Variants in PTPRM observed in about 807,000 individuals in gnomAD.
The protein encoded by PTPRM is protein tyrosine phosphatase receptor type M, also known as receptor-type tyrosine-protein phosphatase mu.
Under a neutral mutation model 186.7 loss-of-function variants are expected in PTPRM, and 47 were observed. The observed-to-expected ratio is 0.25, with a 90% CI of 0.20 to 0.32. The LOEUF is 0.32. Among genes scored for constraint, PTPRM ranks in the 10% least tolerant of loss-of-function variants. The pLI is 1.00. For synonymous variants in PTPRM, 668 were observed against 674.9 expected, an observed-to-expected ratio of 0.99 and a Z score of 0.16; for missense variants, 1,494 against 1,865.0, an observed-to-expected ratio of 0.80 and a Z score of 3.66.
chr18:8,207,089 C>G (rs927859321), intron 14 of PTPRM, among the ~76,000 whole-genome samples: 2 of 152,178 alleles, frequency 1.3e-5, no homozygotes, highest in African/African-American at 4.8e-5. Context: ...ATAAATTTCT[C>G]TGGTTCTGAT....
At chr18:7,866,483 G>A (rs1460781288) in intron 2 of PTPRM, among the ~76,000 whole-genome samples, 12 of 152,172 alleles carry the variant, frequency 7.9e-5, no homozygotes, top group African/African-American at 1.4e-4. Flanking sequence ...CAGTTTACAC[G>A]TAGTTTTGTG....
intron 1 of PTPRM, among the ~76,000 whole-genome samples, chr18:7,572,069 G>A (rs191492323): frequency 1.3e-5 from 2 of 152,276 alleles, no homozygotes; most frequent in Admixed American, 1.3e-4. Context: ...CAGTGAGCAT[G>A]AAAGAAATAT....
intron 5 of PTPRM, among the ~76,000 whole-genome samples, chr18:7,945,565 T>G (rs980753474): frequency 6.6e-5 from 10 of 152,150 alleles, no homozygotes; most frequent in East Asian, 5.8e-4. Flanking sequence ...CTGAAAGAAA[T>G]AAATTTCTTC....
intron 2 of PTPRM, among the ~76,000 whole-genome samples, chr18:7,831,729 A>G (rs2045771159): frequency 6.6e-6 from 1 of 152,080 alleles, no homozygotes; most frequent in South Asian, 2.1e-4. Flanking sequence ...TTTTTTTGGT[A>G]TCCATTAACC....
At chr18:8,253,712 A>C (rs1221030908) in intron 19 of PTPRM, among the ~76,000 whole-genome samples, 2 of 152,170 alleles carry the variant, frequency 1.3e-5, no homozygotes, top group Non-Finnish European at 2.9e-5. Flanking sequence ...CATTTGATTG[A>C]ATCTGCGGGT....
chr18:7,806,589 A>G (rs2044247548), intron 2 of PTPRM, among the ~76,000 whole-genome samples: 1 of 152,236 alleles, frequency 6.6e-6, no homozygotes. Flanking sequence ...TCTTGGAAAG[A>G]TGGAGCCACA....
At chr18:8,133,182 A>G (rs1213909998) in intron 13 of PTPRM, among the ~76,000 whole-genome samples, 1 of 152,166 alleles carries the variant, frequency 6.6e-6, no homozygotes, top group African/African-American at 2.4e-5. Context: ...TCATCTCTTA[A>G]GGACTCCACC....
chr18:7,686,362 T>G (rs1033967272), intron 1 of PTPRM, among the ~76,000 whole-genome samples: 1 of 152,222 alleles, frequency 6.6e-6, no homozygotes, highest in Non-Finnish European at 1.5e-5. Flanking sequence ...AAAAATGCAT[T>G]GAGTGGTAAT....
intron 2 of PTPRM, among the ~76,000 whole-genome samples, chr18:7,833,968 T>C (rs1361215351): frequency 6.6e-6 from 1 of 152,186 alleles, no homozygotes; most frequent in Non-Finnish European, 1.5e-5. Flanking sequence ...TCTTGCCTGA[T>C]TGTTCTAGCT....
chr18:8,223,479 A>G (rs2094177958), intron 14 of PTPRM, among the ~76,000 whole-genome samples: 1 of 152,226 alleles, frequency 6.6e-6, no homozygotes, highest in South Asian at 2.1e-4. Context: ...TTAAAGGACT[A>G]AGAATTATTT....
At chr18:8,317,414 C>T (rs1195403307) in intron 21 of PTPRM, among the ~76,000 whole-genome samples, 1 of 151,982 alleles carries the variant, frequency 6.6e-6, no homozygotes, top group Non-Finnish European at 1.5e-5. Context: ...TATATTAGAC[C>T]TCCCAGTGGA....
chr18:7,759,793 C>T (rs980508177), intron 1 of PTPRM, among the ~76,000 whole-genome samples: 121 of 152,248 alleles, frequency 7.9e-4, no homozygotes, highest in African/African-American at 2.8e-3. Context: ...AATTTCAAGC[C>T]TCTTTGTTAC....
chr18:7,852,076 A>T (rs2145946184), intron 2 of PTPRM, among the ~76,000 whole-genome samples: 1 of 152,332 alleles, frequency 6.6e-6, no homozygotes, highest in African/African-American at 2.4e-5. Context: ...AATAATAAAA[A>T]CACCAATCTA....
At chr18:8,078,103 T>A (rs2089928503) in intron 9 of PTPRM, among the ~76,000 whole-genome samples, 1 of 152,184 alleles carries the variant, frequency 6.6e-6, no homozygotes, top group Non-Finnish European at 1.5e-5. Context: ...AAATATGTGA[T>A]CCAGGCCAAA....
intron 8 of PTPRM, among the ~76,000 whole-genome samples, chr18:8,075,743 ATTG>A (rs1196426513): frequency 6.6e-6 from 1 of 152,082 alleles, no homozygotes; most frequent in Non-Finnish European, 1.5e-5. Flanking sequence ...TAAAGACTAT[ATTG>A]TTATTTCATC....
At chr18:8,091,112 C>T (rs2090698851) in intron 11 of PTPRM, among the ~76,000 whole-genome samples, 1 of 152,072 alleles carries the variant, frequency 6.6e-6, no homozygotes, top group Non-Finnish European at 1.5e-5. Context: ...TCTTGGTGTC[C>T]TCAGGCTTCC....
At chr18:7,927,601 T>A (rs980685668) in intron 5 of PTPRM, among the ~76,000 whole-genome samples, 32 of 152,204 alleles carry the variant, frequency 2.1e-4, no homozygotes, top group African/African-American at 6.3e-4. Flanking sequence ...TCATGTGTGC[T>A]GGCCTTGTCT....
intron 1 of PTPRM, among the ~76,000 whole-genome samples, chr18:7,627,958 G>A (rs6506520): frequency 0.31 from 46,563 of 152,032 alleles, 11,468 homozygotes; most frequent in African/African-American, 0.68. Context: ...CTCTACCTGT[G>A]TCTATTTGAA....
rs1189103406 is a variant in PTPRM at position 7,568,413 on chromosome 18, C to G, written c.73+522C>G. ...GGCGATCTCCCGGTGCCCTGCCCTC[C>G]CTGTCGCCCCCTGCCCGGCGCGGCT... On this transcript the variant is annotated intron_variant, in intron 1 of 32. Transcript: ENST00000580170. This position sits in a 1 kb window ranked among gnomAD's most constrained non-coding sequence, Gnocchi z 5.1. 6.6e-6 allele frequency among the ~76,000 whole-genome samples: 1 copy of G among 151,888 alleles called. No homozygotes were observed. The highest frequency in any genetic ancestry group is 6.6e-5 in the Admixed American group (1 of 15,254).
Sources: allele counts gnomAD v4.1 joint callset (sites outside exome capture counted in the v4.1 genomes callset), GRCh38; gene constraint gnomAD v4.1.1; non-coding constraint Gnocchi (gnomAD v3.1); transcripts MANE v1.5; gene names NCBI Gene and HGNC (gene_info 2026-07-23, HGNC 2026-07-21).